ERCC6: variants seen among roughly 807,000 people sequenced by gnomAD.
The protein encoded by ERCC6 is DNA excision repair protein ERCC-6.
A neutral mutation model predicts 158.7 loss-of-function variants in ERCC6; 116 were observed. The observed-to-expected ratio is 0.73, with a 90% CI of 0.63 to 0.85. ERCC6 has a LOEUF of 0.85. Among genes scored for constraint, ERCC6 ranks in the 40% least tolerant of loss-of-function variants. The pLI is 0.00. For synonymous variants in ERCC6, 678 were observed against 659.3 expected, an observed-to-expected ratio of 1.03 and a Z score of -0.43; for missense variants, 1,698 against 1,799.4, an observed-to-expected ratio of 0.94 and a Z score of 1.02.
At chr10:49,500,462 C>A in intron 7 of ERCC6, 76 bp downstream of exon 7, 2 of 1,476,686 alleles carry the variant, frequency 1.4e-6, no homozygotes, top group Non-Finnish European at 1.9e-6. Flanking sequence ...ATTCACAAGA[C>A]CCTCCTCCAC....
intron 6 of ERCC6, 110 bp downstream of exon 6, chr10:49,505,774 G>T: frequency 7.7e-7 from 1 of 1,299,636 alleles, no homozygotes; most frequent in Admixed American, 2.0e-5. Context: ...GCAACAAATT[G>T]CTGCAAGTAC....
At chr10:49,526,500 C>T (rs979528818) in intron 4 of ERCC6, among the ~76,000 whole-genome samples, 1 of 152,048 alleles carries the variant, frequency 6.6e-6, no homozygotes, top group African/African-American at 2.4e-5. Context: ...ACATGTATTG[C>T]AAATATCTTC....
intron 20 of ERCC6, 44 bp downstream of exon 20, chr10:49,460,329 C>T (rs1291485700): frequency 7.3e-7 from 1 of 1,369,066 alleles, no homozygotes; most frequent in East Asian, 2.3e-5. Context: ...AGCATTCAAT[C>T]AAGCAAGTCT....
intron 8 of ERCC6, 106 bp downstream of exon 8, chr10:49,493,011 A>C: frequency 8.3e-7 from 1 of 1,200,556 alleles, no homozygotes; most frequent in South Asian, 1.4e-5. Context: ...GCAGGAAAAA[A>C]AACACAGGAA....
At chr10:49,469,363 G>C (rs1161392984) in intron 18 of ERCC6, among the ~76,000 whole-genome samples, 1 of 152,112 alleles carries the variant, frequency 6.6e-6, no homozygotes, top group Non-Finnish European at 1.5e-5. Flanking sequence ...TCACCTCTGT[G>C]GCATTCCTAC....
At chr10:49,481,936 T>C (rs145854593) in intron 10 of ERCC6, among the ~76,000 whole-genome samples, 39 of 152,298 alleles carry the variant, frequency 2.6e-4, no homozygotes, top group Non-Finnish European at 4.4e-4. Flanking sequence ...CTCTTGTGAC[T>C]ACCCTGTAGC....
At chr10:49,505,057 A>G (rs1851420650) in intron 6 of ERCC6, 1 of 152,170 alleles carries the variant, frequency 6.6e-6, no homozygotes, top group East Asian at 1.9e-4. Context: ...AGAACTTTGC[A>G]TCCTGCTCCC....
intron 15 of ERCC6, 45 bp downstream of exon 15, chr10:49,472,864 A>C: frequency 6.2e-7 from 1 of 1,600,254 alleles, no homozygotes; most frequent in Admixed American, 1.7e-5. Flanking sequence ...CCATGAAACT[A>C]TATTTCTACT....
rs1291337906 is a variant in ERCC6, at chr10:49,478,371, G to A, written c.2269C>T (p.Pro757Ser). 3.1e-6 allele frequency: 5 copies of A among 1,611,326 alleles called. No homozygotes were observed. The East Asian group carries it at 8.9e-5, about 29-fold the overall frequency. ...KSDVKMSLSL[P>S]DKNEQVLFCR... ...TTACAGACCTGTTCATTTTTATCTG[G>A]CAAAGAAAGGCTCATCTTGACATCT... The change falls in exon 11 of 21, where the codon CCA becomes TCA. Residue 757 changes from proline (P) to serine (S), a missense_variant. By Grantham distance (74) the Pro-to-Ser change is moderately conservative. Coordinates refer to ENST00000355832, the MANE Select transcript of ERCC6 (RefSeq NM_000124.4).
At chr10:49,522,255 A>T (rs1837186556) in intron 5 of ERCC6, among the ~76,000 whole-genome samples, 1 of 152,228 alleles carries the variant, frequency 6.6e-6, no homozygotes, top group South Asian at 2.1e-4. Context: ...AGCAATGAGT[A>T]ACAAAATATA....
chr10:49,530,712 T>C lies in ERCC6; in HGVS notation c.543+8A>G, dbSNP rs1202334739. 6.2e-7 allele frequency: 1 copy of C among 1,612,642 alleles called. No individual in the cohort carries two copies. Among genetic ancestry groups the C allele is most frequent in the South Asian group, 1.1e-5 (1 of 90,938 alleles). On this transcript the variant is annotated splice_region_variant and intron_variant, in intron 3 of 20. Coordinates refer to ENST00000355832, the MANE Select transcript of ERCC6 (RefSeq NM_000124.4). ...AAAAATGCAATACTGAATGTTATTC[T>C]GAATCACCTTATTATACTTCTGTCG...
Position 49,470,552 on chromosome 10 carries a change from G to T in ERCC6, c.3408C>A (p.Gly1136=). Residue 1136 remains glycine (G), a synonymous_variant, in exon 18 of 21, where the codon GGC becomes GGA. Transcript: ENST00000355832. The part of the protein sequence containing the change: ...NGECSNSSGT[G]KTSMPSGDES... ...CATCACCAGATGGCATAGAAGTTTT[G>T]CCTGTTCCTGAAGAATTTGAACATT... is the stretch of plus-strand genomic sequence containing the variant. 6.2e-7 allele frequency: 1 copy of T among 1,614,096 alleles called. No individual in the cohort carries two copies. The highest frequency in any genetic ancestry group is 8.5e-7 in the Non-Finnish European group (1 of 1,180,028).
At chr10:49,534,398 AG>A (rs1409602542) in intron 1 of ERCC6, among the ~76,000 whole-genome samples, 2 of 152,236 alleles carry the variant, frequency 1.3e-5, no homozygotes, top group African/African-American at 4.8e-5. Context: ...AGTCACACAC[AG>A]GTGCAAGAAT....
intron 5 of ERCC6, chr10:49,516,534 G>A: frequency 6.2e-7 from 1 of 1,614,082 alleles, no homozygotes; most frequent in Non-Finnish European, 8.5e-7. Context: ...TCTAGGAACT[G>A]AGACATAACC....
chr10:49,518,233 T>C (rs1837043687), intron 5 of ERCC6, among the ~76,000 whole-genome samples: 1 of 152,214 alleles, frequency 6.6e-6, no homozygotes, highest in Admixed American at 6.5e-5. Flanking sequence ...AGGATAGGAA[T>C]GGGACATTGG....
chr10:49,516,261 A>G lies in ERCC6; in HGVS notation c.1397+7772T>C, dbSNP rs1440259368. 3.1e-6 allele frequency: 5 copies of G among 1,614,034 alleles called. No individual in the cohort carries two copies. The highest frequency in any genetic ancestry group is 4.2e-6 in the Non-Finnish European group (5 of 1,180,044). ...AAACCGAATGGGCTTTCCCCGAATAAATTGTTTGCACCCGTGACGACCAAA... is the reference window on the plus strand; with the variant it reads ...AAACCGAATGGGCTTTCCCCGAATAGATTGTTTGCACCCGTGACGACCAAA... On this transcript the variant is annotated intron_variant, in intron 5 of 20. Coordinates refer to ENST00000355832, the MANE Select transcript of ERCC6 (RefSeq NM_000124.4).
At chr10:49,445,889 C>A in the ERCC6 span, among the ~76,000 whole-genome samples, 14 of 152,274 alleles carry the variant, frequency 9.2e-5, no homozygotes, top group East Asian at 1.9e-4. Flanking sequence ...CCCCCTCATA[C>A]AGGTATGGCC....
rs1447656171 is a variant in ERCC6, at chr10:49,505,671, A to G, written c.1526+213T>C. 6.7e-6 allele frequency: 4 copies of G among 593,410 alleles called. No homozygotes were observed. The African/African-American group carries it at 7.5e-5, about 11-fold the overall frequency. The allele number at this position is 593,410 out of a possible 1,614,324, so 36.8% of individuals were successfully genotyped here. On this transcript the variant is annotated intron_variant, in intron 6 of 20. Transcript: ENST00000355832. Reference sequence around the variant, plus strand: ...GGTCCATATAGATTCATCAGTTTACAAACATACCCAATGCACATTTTAGTC... The same window carrying G: ...GGTCCATATAGATTCATCAGTTTACGAACATACCCAATGCACATTTTAGTC...
chr10:49,524,903 T>C (rs1351748809), intron 4 of ERCC6, 126 bp from the exon 5 acceptor site: 6 of 1,531,710 alleles, frequency 3.9e-6, no homozygotes, highest in Non-Finnish European at 5.2e-6. Flanking sequence ...GAATCATCCA[T>C]GTACTAAAGC....
Sources: allele counts gnomAD v4.1 joint callset (sites outside exome capture counted in the v4.1 genomes callset), GRCh38; gene constraint gnomAD v4.1.1; transcripts MANE v1.5; gene names NCBI Gene and HGNC (gene_info 2026-07-23, HGNC 2026-07-21).